ARHGAP32: variants seen among roughly 807,000 people sequenced by gnomAD.
ARHGAP32 encodes the protein Rho GTPase activating protein 32.
ARHGAP32 carries 51 observed loss-of-function variants against 186.5 expected under a neutral mutation model. The ratio of observed to expected loss-of-function variants is 0.27; its 90% confidence interval spans 0.22 to 0.35. The LOEUF (loss-of-function observed/expected upper bound fraction) is 0.35, where lower values mean the gene tolerates loss of function less well. ARHGAP32 is among the 10% of genes least tolerant of loss of function. ARHGAP32 has a pLI of 1.00. For synonymous variants in ARHGAP32, 950 were observed against 964.3 expected, an observed-to-expected ratio of 0.99 and a Z score of 0.27; for missense variants, 2,186 against 2,623.5, an observed-to-expected ratio of 0.83 and a Z score of 3.64.
chr11:129,132,824 C>T (rs974471806), intron 2 of ARHGAP32, among the ~76,000 whole-genome samples: 2 of 152,130 alleles, frequency 1.3e-5, no homozygotes, highest in African/African-American at 4.8e-5. Context: ...TATAAACACA[C>T]TGCATTAGAT....
At chr11:129,222,814 T>C (rs1355822722) in intron 1 of ARHGAP32, among the ~76,000 whole-genome samples, 2 of 152,186 alleles carry the variant, frequency 1.3e-5, no homozygotes, top group East Asian at 1.9e-4. Context: ...AGATATCACA[T>C]GGGGATCTTA....
At chr11:129,220,051 G>C (rs752683307) in intron 1 of ARHGAP32, among the ~76,000 whole-genome samples, 5 of 152,156 alleles carry the variant, frequency 3.3e-5, no homozygotes, top group Non-Finnish European at 7.3e-5. Flanking sequence ...TGAGGTTCCT[G>C]AAACTATAGC....
intron 1 of ARHGAP32, among the ~76,000 whole-genome samples, chr11:129,180,891 C>A (rs1565459106): frequency 3.3e-5 from 5 of 152,062 alleles, no homozygotes. Context: ...TTGCTGTTTC[C>A]CTCACTAAGA....
Position 128,970,927 on chromosome 11 carries a change from G to C in ARHGAP32, c.4286C>G (p.Pro1429Arg). 6.2e-7 allele frequency: 1 copy of C among 1,614,030 alleles called. No individual in the cohort carries two copies. The highest frequency in any genetic ancestry group is 8.5e-7 in the Non-Finnish European group (1 of 1,179,960). ...CATCTTACTCTCCATCATCCTGGTG[G>C]GGGGCAGTGGTGCAGGAAAGCCACA... ...HPCGFPAPLP[P>R]TRMMESKMIA... Residue 1429 changes from proline to arginine, a missense_variant, in exon 23 of 23, where the codon CCC becomes CGC. Coordinates refer to ENST00000682385, the MANE Select transcript of ARHGAP32 (RefSeq NM_001378024.1). The surrounding 1 kb of genome is among the most constrained non-coding windows in gnomAD (Gnocchi z 5.8).
At chr11:129,200,674 T>C (rs923239602) in intron 1 of ARHGAP32, among the ~76,000 whole-genome samples, 5 of 152,128 alleles carry the variant, frequency 3.3e-5, no homozygotes, top group Admixed American at 6.6e-5. Context: ...GCAACTTAAA[T>C]TGAGTCTCAG....
intron 6 of ARHGAP32, among the ~76,000 whole-genome samples, chr11:129,076,524 T>C (rs886225057): frequency 2.0e-5 from 3 of 151,864 alleles, no homozygotes; most frequent in East Asian, 1.9e-4. Flanking sequence ...ATAGAAAAAA[T>C]AGTTGAAAAA....
At chr11:129,086,595 G>A (rs976711524) in intron 6 of ARHGAP32, among the ~76,000 whole-genome samples, 8 of 152,146 alleles carry the variant, frequency 5.3e-5, no homozygotes, top group Non-Finnish European at 1.2e-4. Flanking sequence ...GCCAAGGCGG[G>A]CGGATCACAA....
At chr11:129,114,599 TGTACAA>T (rs1942313855) in intron 5 of ARHGAP32, among the ~76,000 whole-genome samples, 1 of 152,142 alleles carries the variant, frequency 6.6e-6, no homozygotes. Context: ...CTGAACTACA[TGTACAA>T]AGACTATACA....
chr11:129,187,823 T>C (rs1381052339), intron 1 of ARHGAP32, among the ~76,000 whole-genome samples: 2 of 152,168 alleles, frequency 1.3e-5, no homozygotes, highest in African/African-American at 4.8e-5. Flanking sequence ...TCATAAGTAA[T>C]AGGTTATTAA....
intron 2 of ARHGAP32, among the ~76,000 whole-genome samples, chr11:129,131,622 C>T (rs752175884): frequency 3.9e-5 from 6 of 151,984 alleles, no homozygotes; most frequent in Non-Finnish European, 7.4e-5. Context: ...ATGACGAAAA[C>T]GGCAAGGGGG....
intron 1 of ARHGAP32, among the ~76,000 whole-genome samples, chr11:129,239,887 A>G (rs574587893): frequency 3.0e-4 from 45 of 152,248 alleles, no homozygotes; most frequent in African/African-American, 1.1e-3. Context: ...TTACTTAAAA[A>G]ACAGACTTTT....
chr11:129,211,777 AT>A (rs1944585484), intron 1 of ARHGAP32, among the ~76,000 whole-genome samples: 1 of 152,230 alleles, frequency 6.6e-6, no homozygotes, highest in South Asian at 2.1e-4. Context: ...AGAAAAATGC[AT>A]AAAAATTAAG....
chr11:129,216,640 C>T (rs998977636), intron 1 of ARHGAP32, among the ~76,000 whole-genome samples: 3 of 145,704 alleles, frequency 2.1e-5, no homozygotes, highest in African/African-American at 7.7e-5. Flanking sequence ...CACTGCACTC[C>T]AGCCTGGGCG....
chr11:129,272,909 C>T (rs1299711401), intron 1 of ARHGAP32, among the ~76,000 whole-genome samples: 1 of 152,180 alleles, frequency 6.6e-6, no homozygotes, highest in Admixed American at 6.5e-5. Flanking sequence ...CTTCCATCTA[C>T]TAAATCAATT....
intron 2 of ARHGAP32, among the ~76,000 whole-genome samples, chr11:129,138,851 GA>G (rs1247399808): frequency 1.3e-5 from 2 of 152,172 alleles, no homozygotes. Flanking sequence ...TCACAGAGTT[GA>G]AAGATAACTC....
intron 1 of ARHGAP32, among the ~76,000 whole-genome samples, chr11:129,232,626 A>G (rs1175846426): frequency 2.0e-5 from 3 of 152,278 alleles, no homozygotes; most frequent in Non-Finnish European, 4.4e-5. Context: ...ATAAAAAAAA[A>G]GGTGTCAGCC....
At chr11:129,169,575 T>C (rs557015900) in intron 1 of ARHGAP32, among the ~76,000 whole-genome samples, 5 of 136,838 alleles carry the variant, frequency 3.7e-5, no homozygotes, top group Admixed American at 1.7e-4. Flanking sequence ...AGCTTTGCAG[T>C]GAGCTGAGAT....
At chr11:129,218,108 T>C (rs915895313) in intron 1 of ARHGAP32, among the ~76,000 whole-genome samples, 1 of 152,234 alleles carries the variant, frequency 6.6e-6, no homozygotes, top group Non-Finnish European at 1.5e-5. Flanking sequence ...TTAAAATCTG[T>C]TGACACTTAA....
Position 129,275,410 on chromosome 11 carries a change from T to C in ARHGAP32, c.-5+3736A>G, listed in dbSNP as rs529719818. On this transcript the variant is annotated intron_variant, in intron 1 of 6. Transcript: ENST00000525234. ...GGAAATCTCTGAGGTCCCACGACAT[T>C]AATTAGTTTGTCCAGGATCAATGTT... Among the ~76,000 whole-genome samples the C allele has an allele frequency of 3.9e-5, 6 of 152,320 alleles. No homozygotes were observed. The East Asian group carries it at 9.6e-4, about 24-fold the overall frequency.
Sources: allele counts gnomAD v4.1 joint callset (sites outside exome capture counted in the v4.1 genomes callset), GRCh38; gene constraint gnomAD v4.1.1; non-coding constraint Gnocchi (gnomAD v3.1); transcripts MANE v1.5; gene names NCBI Gene and HGNC (gene_info 2026-07-23, HGNC 2026-07-21).